The following MUC17 variants were observed in gnomAD, a reference collection of about 807,000 sequenced individuals.
MUC17 encodes mucin-17.
A neutral mutation model predicts 170.3 loss-of-function variants in MUC17; 190 were observed. That is an observed-to-expected ratio of 1.12 (90% CI 0.99 to 1.26). MUC17 has a LOEUF of 1.26. MUC17 is among the 50% of genes most tolerant of loss of function. MUC17 has a pLI of 0.00. For missense variants in MUC17, 6,415 were observed against 5,530.0 expected, an observed-to-expected ratio of 1.16 and a Z score of -5.08; for synonymous variants, 2,325 against 2,002.5, an observed-to-expected ratio of 1.16 and a Z score of -4.30.
intron 1 of MUC17, among the ~76,000 whole-genome samples, chr7:101,020,540 C>G (rs568006239): frequency 2.0e-5 from 3 of 152,100 alleles, no homozygotes; most frequent in Non-Finnish European, 4.4e-5. Context: ...AGAGCTCCCC[C>G]CCCGAGGCAT....
chr7:101,035,116 T>G lies in MUC17; in HGVS notation c.3700T>G (p.Ser1234Ala). The change falls in exon 3 of 13, where the codon TCT becomes GCT. Residue 1234 changes from serine (S) to alanine (A), a missense_variant. By Grantham distance (99) the Ser-to-Ala change is moderately conservative. Coordinates refer to ENST00000306151, the MANE Select transcript of MUC17 (RefSeq NM_001040105.2). ...MPVRHTPVAS[S>A]EASTLSTSPV... ...TGTCAGACACACGCCAGTGGCCAGTTCTGAGGCTAGCACCCTTTCAACATC... is the reference window on the plus strand; with the variant it reads ...TGTCAGACACACGCCAGTGGCCAGTGCTGAGGCTAGCACCCTTTCAACATC... The G allele has an allele frequency of 6.2e-7, 1 of 1,611,954 alleles. No homozygotes were observed.
chr7:101,027,330 C>T (rs536291559), intron 1 of MUC17, among the ~76,000 whole-genome samples: 5 of 152,246 alleles, frequency 3.3e-5, no homozygotes, highest in African/African-American at 1.2e-4. Context: ...TGAGGTTTCT[C>T]GCTATTGCTC....
Position 101,053,409 on chromosome 7 carries a change from C to T in MUC17, c.13336C>T (p.Gln4446Ter), listed in dbSNP as rs1562824724. 1 of 1,613,692 alleles carries T rather than the reference C, an allele frequency of 6.2e-7. No homozygotes were observed. The highest frequency in any genetic ancestry group is 1.1e-5 in the South Asian group (1 of 91,052). ...EDSGPAPGTF[Q>*]NIGFDICQDD... ...CAGTGGACCAGCTCCTGGGACCTTC[C>T]AAAACATTGGCTTTGACATCTGCCA... Residue 4446 changes from glutamine to a stop codon, truncating the protein, a stop_gained, in exon 11 of 13, where the codon CAA (glutamine) becomes TAA (stop). Coordinates refer to ENST00000306151, the MANE Select transcript of MUC17 (RefSeq NM_001040105.2). LOFTEE classifies it high-confidence loss of function.
chr7:101,045,875 C>T (rs1305690206), intron 3 of MUC17, among the ~76,000 whole-genome samples: 1 of 152,174 alleles, frequency 6.6e-6, no homozygotes, highest in Non-Finnish European at 1.5e-5. Context: ...GCCACTGGAC[C>T]CACCATCTGG....
At chr7:101,028,038 G>T (rs1305575114) in intron 1 of MUC17, among the ~76,000 whole-genome samples, 3 of 150,684 alleles carry the variant, frequency 2.0e-5, no homozygotes, top group African/African-American at 7.3e-5. Context: ...TTCCCAAAGT[G>T]CTGGGATTAC....
At position 101,042,120 on chromosome 7, in the gene MUC17, G is replaced by A. The variant is rs1794731124; in HGVS notation, c.10704G>A (p.Met3568Ile). The A allele has an allele frequency of 6.2e-7, 1 of 1,614,006 alleles. No homozygotes were observed. The highest frequency in any genetic ancestry group is 8.5e-7 in the Non-Finnish European group (1 of 1,179,994). The stretch of plus-strand genomic sequence containing the variant: ...CTCTTCAGGTCACCACTATGCGTAT[G>A]TCTACTCCAAGTGAAGGAAGCTCTT... ...PATLQVTTMRMSTPSEGSSSL... is the reference protein window; with the variant it reads ...PATLQVTTMRISTPSEGSSSL... Residue 3568 changes from methionine to isoleucine, a missense_variant, in exon 3 of 13, where the codon ATG (methionine) becomes ATA (isoleucine). Transcript: ENST00000306151.
rs769373039 is a variant in MUC17 at position 101,042,060 on chromosome 7, T to G, written c.10644T>G (p.Val3548=). The G allele has an allele frequency of 5.0e-6, 8 of 1,612,642 alleles. No individual in the cohort carries two copies. Among genetic ancestry groups the G allele is most frequent in the Non-Finnish European group, 6.8e-6 (8 of 1,179,584 alleles). Residue 3548 remains valine (V), a synonymous_variant, in exon 3 of 13, where the codon GTT becomes GTG. Coordinates refer to ENST00000306151, the MANE Select transcript of MUC17 (RefSeq NM_001040105.2). ...STTPVDSNTF[V]TSSSQASSSP... ...CTCCTGTTGACTCCAACACTTTTGT[T>G]ACCAGTTCTAGTCAAGCCAGTTCAT...
intron 4 of MUC17, 98 bp from the exon 5 acceptor site, chr7:101,048,747 A>G: frequency 7.3e-7 from 1 of 1,379,218 alleles, no homozygotes; most frequent in Non-Finnish European, 9.8e-7. Context: ...ATTTTACCAT[A>G]AAATACAATG....
In MUC17 at chr7:101,034,229, G is replaced by T; in HGVS notation, c.2813G>T (p.Ser938Ile). 1 of 1,600,838 alleles carries T rather than the reference G, an allele frequency of 6.2e-7. No homozygotes were observed. ...SMPDSTTPVVSSEARTLSATP... is the reference protein window; with the variant it reads ...SMPDSTTPVVISEARTLSATP... Reference sequence around the variant, plus strand: ...CCTGACAGCACCACGCCGGTAGTCAGTTCTGAGGCTAGAACACTTTCAGCA... The same window carrying T: ...CCTGACAGCACCACGCCGGTAGTCATTTCTGAGGCTAGAACACTTTCAGCA... The change falls in exon 3 of 13, where the codon AGT (serine) becomes ATT (isoleucine). Residue 938 changes from serine (S) to isoleucine (I), a missense_variant. By Grantham distance (142) the Ser-to-Ile change is moderately radical. Transcript: ENST00000306151.
Position 101,037,764 on chromosome 7 carries a change from T to C in MUC17, c.6348T>C (p.Ser2116=), listed in dbSNP as rs150718052. The part of the protein sequence containing the change: ...SIPLSTTPVA[S]PEASTLSTTP... ...CTCTCAGCACCACGCCGGTGGCCAG[T>C]CCTGAGGCTAGCACCCTTTCAACAA... Residue 2116 remains serine (S), a synonymous_variant, in exon 3 of 13, where the codon AGT becomes AGC. Coordinates refer to ENST00000306151, the MANE Select transcript of MUC17 (RefSeq NM_001040105.2). 6.2e-5 allele frequency: 100 copies of C among 1,613,676 alleles called. No individual in the cohort carries two copies. In the African/African-American group the frequency reaches 1.2e-3, roughly 20 times the overall value.
At position 101,037,315 on chromosome 7, in the gene MUC17, C is replaced by G. The variant is rs568723888; in HGVS notation, c.5899C>G (p.Pro1967Ala). ...VTTYSQASSS[P>A]TTADGTSMPT... ...CACTTATTCTCAAGCCAGTTCATCTCCTACAACTGCTGATGGTACCAGCAT... is the reference window on the plus strand; with the variant it reads ...CACTTATTCTCAAGCCAGTTCATCTGCTACAACTGCTGATGGTACCAGCAT... The change falls in exon 3 of 13, where the codon CCT (proline) becomes GCT (alanine). Residue 1967 changes from proline (P) to alanine (A), a missense_variant. Transcript: ENST00000306151. 1 of 1,614,060 alleles carries G rather than the reference C, an allele frequency of 6.2e-7. No individual in the cohort carries two copies. Among genetic ancestry groups the G allele is most frequent in the Non-Finnish European group, 8.5e-7 (1 of 1,179,936 alleles).
chr7:101,055,107 A>AAGG (rs538191693), intron 11 of MUC17, among the ~76,000 whole-genome samples: 3,234 of 151,884 alleles, frequency 0.021, 47 homozygotes, highest in Middle Eastern at 0.027. Context: ...GATTCCGTAG[A>AAGG]AGGAGGAGGA....
At position 101,038,926 on chromosome 7, in the gene MUC17, G is replaced by A. The variant is rs151276049; in HGVS notation, c.7510G>A (p.Val2504Ile). The change falls in exon 3 of 13, where the codon GTC (valine) becomes ATC (isoleucine). Residue 2504 changes from valine to isoleucine, a missense_variant. Coordinates refer to ENST00000306151, the MANE Select transcript of MUC17 (RefSeq NM_001040105.2). ...SSSPTTAEDI[V>I]VPISTASEGS... The stretch of plus-strand genomic sequence containing the variant: ...ATCTCCTACAACTGCTGAAGATATC[G>A]TCGTGCCAATCTCAACTGCTAGTGA... 120 of 1,609,854 alleles carry A rather than the reference G, an allele frequency of 7.5e-5. No homozygotes were observed. In the African/African-American group the frequency reaches 1.0e-3, roughly 14 times the overall value.
At chr7:101,048,719 A>T in intron 4 of MUC17, 126 bp from the exon 5 acceptor site, 1 of 962,852 alleles carries the variant, frequency 1.0e-6, no homozygotes, top group South Asian at 1.9e-5. Flanking sequence ...TGTATTTTGG[A>T]TACAAATTTG....
chr7:101,057,508 C>T (rs573820290), intron 12 of MUC17, among the ~76,000 whole-genome samples: 2 of 152,306 alleles, frequency 1.3e-5, no homozygotes, highest in Admixed American at 6.5e-5. Context: ...TTCGTGAGGC[C>T]AAGGCAGGAA....
At position 101,042,691 on chromosome 7, in the gene MUC17, C is replaced by T. The variant is rs1489507115; in HGVS notation, c.11275C>T (p.Leu3759Phe). Residue 3759 changes from leucine to phenylalanine, a missense_variant, in exon 3 of 13, where the codon CTT (leucine) becomes TTT (phenylalanine). By Grantham distance (22) the Leu-to-Phe change is conservative. Coordinates refer to ENST00000306151, the MANE Select transcript of MUC17 (RefSeq NM_001040105.2). The stretch of plus-strand genomic sequence containing the variant: ...AATAAGCACCCTTGGGACCACTATT[C>T]TTGTCAGTACCACACCTGTTACGAG... ...MEISTLGTTILVSTTPVTRFP... is the reference protein window; with the variant it reads ...MEISTLGTTIFVSTTPVTRFP... 32 of 1,613,728 alleles carry T rather than the reference C, an allele frequency of 2.0e-5. No individual in the cohort carries two copies. Among genetic ancestry groups the T allele is most frequent in the Non-Finnish European group, 2.5e-5 (30 of 1,180,038 alleles).
Position 101,041,021 on chromosome 7 carries a change from C to T in MUC17, c.9605C>T (p.Thr3202Ile), listed in dbSNP as rs745379096. ...STPVTTSTEA[T>I]SSTTAEGTSI... The stretch of plus-strand genomic sequence containing the variant: ...CCTGTGACCACTTCTACTGAAGCCA[C>T]TTCATCTACAACTGCTGAAGGTACC... The change falls in exon 3 of 13, where the codon ACT (threonine) becomes ATT (isoleucine). Residue 3202 changes from threonine (T) to isoleucine (I), a missense_variant. Thr to Ile is a moderately conservative substitution (Grantham distance 89, BLOSUM62 -1). Transcript: ENST00000306151. 10 of 1,610,432 alleles carry T rather than the reference C, an allele frequency of 6.2e-6. No homozygotes were observed. The highest frequency in any genetic ancestry group is 8.5e-6 in the Non-Finnish European group (10 of 1,178,778).
chr7:101,040,553 C>T lies in MUC17; in HGVS notation c.9137C>T (p.Thr3046Ile), dbSNP rs1220159543. The T allele has an allele frequency of 2.5e-6, 4 of 1,612,118 alleles. No homozygotes were observed. Among genetic ancestry groups the T allele is most frequent in the Non-Finnish European group, 3.4e-6 (4 of 1,179,410 alleles). Residue 3046 changes from threonine to isoleucine, a missense_variant, in exon 3 of 13, where the codon ACT becomes ATT. Thr to Ile is a moderately conservative substitution (Grantham distance 89, BLOSUM62 -1). Transcript: ENST00000306151. ...ATCTCAACTCCTAGTGAAGGAAGTA[C>T]TCCATTAACAAGTATACCTGTCAGC... Reference protein sequence around the residue: ...IPISTPSEGSTPLTSIPVSTT... With the variant: ...IPISTPSEGSIPLTSIPVSTT...
At chr7:101,055,335 A>C (rs879328221) in intron 11 of MUC17, among the ~76,000 whole-genome samples, 4,597 of 152,276 alleles carry the variant, frequency 0.03, 210 homozygotes, top group African/African-American at 0.11. Context: ...AAAAGTGTAG[A>C]AAAGACAAAA....
Sources: allele counts gnomAD v4.1 joint callset (sites outside exome capture counted in the v4.1 genomes callset), GRCh38; gene constraint gnomAD v4.1.1; transcripts MANE v1.5; gene names NCBI Gene and HGNC (gene_info 2026-07-23, HGNC 2026-07-21).